TICAM2: variants seen among roughly 807,000 people sequenced by gnomAD.
TICAM2 encodes TIR domain containing adaptor molecule 2, also known as TIR domain-containing adapter molecule 2.
In TICAM2, 8 loss-of-function variants were observed where a neutral mutation model predicts 7.3. The observed-to-expected ratio is 1.10, with a 90% confidence interval of 0.65 to 1.99. The LOEUF (loss-of-function observed/expected upper bound fraction) is 1.99, where lower values mean the gene tolerates loss of function less well. Ranked by LOEUF, TICAM2 falls within the 30% of genes most tolerant of loss-of-function variation. The pLI is 0.00. For missense variants in TICAM2, 304 were observed against 278.8 expected (o/e 1.09, Z -0.65); for synonymous variants, 113 against 99.6 (o/e 1.13, Z -0.80).
intron 1 of TICAM2, among the ~76,000 whole-genome samples, chr5:115,594,759 A>G (rs1326819167): frequency 2.6e-5 from 4 of 152,244 alleles, no homozygotes; most frequent in Admixed American, 2.6e-4. Flanking sequence ...AATAGCAGGC[A>G]ATTAGGAATT....
chr5:115,600,831 A>C (rs1305898900), intron 1 of TICAM2, among the ~76,000 whole-genome samples: 2 of 152,184 alleles, frequency 1.3e-5, no homozygotes, highest in Non-Finnish European at 2.9e-5. Flanking sequence ...TTATAAAAAG[A>C]AGCAAAGTAG....
intron 1 of TICAM2, among the ~76,000 whole-genome samples, chr5:115,594,820 G>A (rs182484992): frequency 6.6e-6 from 1 of 152,272 alleles, no homozygotes; most frequent in Non-Finnish European, 1.5e-5. Flanking sequence ...CTTGCAGCCT[G>A]GGAGGAGGAC....
chr5:115,588,202 T>C (rs1466209641), intron 1 of TICAM2, among the ~76,000 whole-genome samples: 1 of 152,202 alleles, frequency 6.6e-6, no homozygotes, highest in Non-Finnish European at 1.5e-5. Flanking sequence ...GAAGGGAATT[T>C]GCTAGTAAAG....
chr5:115,580,402 C>A lies in TICAM2; in HGVS notation c.*147G>T, dbSNP rs1047117153. The A allele has an allele frequency of 8.4e-6, 9 of 1,075,012 alleles. No homozygotes were observed. The African/African-American group carries it at 1.5e-4, about 18-fold the overall frequency. 66.6% of individuals were successfully genotyped at this position (1,075,012 alleles called of 1,614,324 possible). The stretch of plus-strand genomic sequence containing the variant: ...TACCACAATTTTATAGGCTGTCCTG[C>A]AGAAATTTATCTTTCTTGTGCTCCA... On this transcript the variant is annotated 3_prime_UTR_variant, in exon 2 of 2. Coordinates refer to ENST00000427199, the MANE Select transcript of TICAM2 (RefSeq NM_021649.7).
Position 115,581,209 on chromosome 5 carries a change from A to T in TICAM2, c.48T>A (p.Ser16=). 6.2e-7 allele frequency: 1 copy of T among 1,612,096 alleles called. No individual in the cohort carries two copies. The highest frequency in any genetic ancestry group is 8.5e-7 in the Non-Finnish European group (1 of 1,179,970). Residue 16 remains serine (S), a synonymous_variant, in exon 2 of 2, where the codon TCT becomes TCA. Transcript: ENST00000427199. ...TATCCACACTGTGCCTTTTACCCCA[A>T]GAGAGAGAAAGAGGGCAGGAATTTA... ...SKINSCPLSL[S]WGKRHSVDTS... is the part of the protein sequence containing the mutation.
intron 1 of TICAM2, among the ~76,000 whole-genome samples, chr5:115,601,250 C>T (rs1755723546): frequency 6.6e-6 from 1 of 152,064 alleles, no homozygotes; most frequent in African/African-American, 2.4e-5. Context: ...CACATGTATC[C>T]CAGAACATAA....
intron 1 of TICAM2, among the ~76,000 whole-genome samples, chr5:115,583,877 C>G (rs1755015082): frequency 6.6e-6 from 1 of 152,210 alleles, no homozygotes. Context: ...CCTCCTCCAT[C>G]AGAACAATGA....
intron 1 of TICAM2, among the ~76,000 whole-genome samples, chr5:115,594,963 T>G (rs1029698011): frequency 3.7e-4 from 56 of 152,126 alleles, no homozygotes; most frequent in African/African-American, 1.3e-3. Flanking sequence ...CTGTGAGTTG[T>G]TTCCAAACAG....
Position 115,581,158 on chromosome 5 carries a change from A to G in TICAM2, c.99T>C (p.Asp33=), listed in dbSNP as rs770854015. ...VDTSPGYHES[D]SKKSEDLSLC... is the part of the protein sequence containing the mutation. ...AGGATAGATCTTCAGACTTCTTGGA[A>G]TCTGACTCATGATATCCTGGACTTG... is the stretch of plus-strand genomic sequence containing the variant. Residue 33 remains aspartate, a synonymous_variant, in exon 2 of 2, where the codon GAT becomes GAC. Transcript: ENST00000427199. 12 of 1,613,870 alleles carry G rather than the reference A, an allele frequency of 7.4e-6. No homozygotes were observed. In the Admixed American group the frequency reaches 1.2e-4, roughly 16 times the overall value.
chr5:115,593,405 CA>C (rs34153349), intron 1 of TICAM2, among the ~76,000 whole-genome samples: 94,795 of 151,552 alleles, frequency 0.63, 30,804 homozygotes, highest in African/African-American at 0.83. Flanking sequence ...GATAAAATTA[CA>C]AAAAAAATGT....
Position 115,580,568 on chromosome 5 carries a change from T to C in TICAM2, c.689A>G (p.Gln230Arg), listed in dbSNP as rs769928500. ...TTCATCTCAGGCAATAAATTGTCTT[T>C]GTACCATATTTCTTGTCTCTTTCCA... ...TIWKETRNMV[Q>R]RQFIA The change falls in exon 2 of 2, where the codon CAA becomes CGA. Residue 230 changes from glutamine to arginine, a missense_variant. By Grantham distance (43) the Gln-to-Arg change is conservative. Coordinates refer to ENST00000427199, the MANE Select transcript of TICAM2 (RefSeq NM_021649.7). The C allele has an allele frequency of 1.9e-5, 31 of 1,597,688 alleles. No homozygotes were observed. In the East Asian group the frequency reaches 7.0e-4, roughly 36 times the overall value.
chr5:115,595,940 C>T (rs1049355380), intron 1 of TICAM2, among the ~76,000 whole-genome samples: 2 of 152,198 alleles, frequency 1.3e-5, no homozygotes, highest in African/African-American at 4.8e-5. Context: ...GTTCACATCT[C>T]TTATAATATG....
intron 1 of TICAM2, among the ~76,000 whole-genome samples, chr5:115,589,117 T>C (rs1029069541): frequency 4.6e-5 from 7 of 152,230 alleles, no homozygotes; most frequent in African/African-American, 1.4e-4. Flanking sequence ...AAGGCAGACA[T>C]GTCCCTTCAT....
At chr5:115,584,742 G>A (rs1487203741) in intron 1 of TICAM2, among the ~76,000 whole-genome samples, 2 of 152,134 alleles carry the variant, frequency 1.3e-5, no homozygotes, top group Non-Finnish European at 2.9e-5. Context: ...TCAGGCAACA[G>A]AAATGTGAAG....
intron 1 of TICAM2, among the ~76,000 whole-genome samples, chr5:115,596,780 G>A (rs970071095): frequency 7.2e-5 from 11 of 152,102 alleles, no homozygotes; most frequent in South Asian, 4.1e-4. Context: ...TTAGCCTGGC[G>A]TGGTGGCGGG....
intron 1 of TICAM2, among the ~76,000 whole-genome samples, chr5:115,598,512 T>C (rs966609680): frequency 1.1e-4 from 16 of 152,162 alleles, no homozygotes; most frequent in African/African-American, 3.9e-4. Context: ...GGCACTGCTT[T>C]TTCATCTTGT....
At chr5:115,591,159 AC>A (rs1362541839) in intron 1 of TICAM2, among the ~76,000 whole-genome samples, 2 of 151,562 alleles carry the variant, frequency 1.3e-5, no homozygotes, top group African/African-American at 4.9e-5. Context: ...CCCAGAGACG[AC>A]TCTCCCCCTA....
At position 115,585,938 on chromosome 5, in the gene TICAM2, T is replaced by C. The variant is rs1755087654; in HGVS notation, c.-59-4623A>G. 3.9e-5 allele frequency among the ~76,000 whole-genome samples: 6 copies of C among 152,258 alleles called. No individual in the cohort carries two copies. The South Asian group carries it at 1.2e-3, about 32-fold the overall frequency. The stretch of plus-strand genomic sequence containing the variant: ...ATGATGGCTTGAACCAGGATGGTAG[T>C]AGTAAAAGTGGTGAGAAGTGGCTAA... On this transcript the variant is annotated intron_variant, in intron 1 of 1. Coordinates refer to ENST00000427199, the MANE Select transcript of TICAM2 (RefSeq NM_021649.7).
Position 115,585,918 on chromosome 5 carries a change from G to A in TICAM2, c.-59-4603C>T, listed in dbSNP as rs75896927. Among the ~76,000 whole-genome samples, 1,440 of 152,240 alleles carry A rather than the reference G, an allele frequency of 9.5e-3. 27 individuals carry two copies. Among genetic ancestry groups the A allele is most frequent in the African/African-American group, 0.033 (1,380 of 41,540 alleles). ...AGAAACCCAATAGTAAAATGATGAT[G>A]GCTTGAACCAGGATGGTAGTAGTAA... On this transcript the variant is annotated intron_variant, in intron 1 of 1. Transcript: ENST00000427199.
Sources: allele counts gnomAD v4.1 joint callset (sites outside exome capture counted in the v4.1 genomes callset), GRCh38; gene constraint gnomAD v4.1.1; transcripts MANE v1.5; gene names NCBI Gene and HGNC (gene_info 2026-07-23, HGNC 2026-07-21).